The following PTPRT variants were observed in gnomAD, a reference collection of about 807,000 sequenced individuals.
The protein encoded by PTPRT is receptor-type tyrosine-protein phosphatase T.
Under a neutral mutation model 176.8 loss-of-function variants are expected in PTPRT, and 56 were observed. The observed-to-expected ratio is 0.32, with a 90% confidence interval of 0.26 to 0.40. PTPRT has a LOEUF of 0.40. Ranked by LOEUF, PTPRT falls within the 10% of genes least tolerant of loss-of-function variation. The pLI is 1.00. For synonymous variants in PTPRT, 783 were observed against 739.0 expected (o/e 1.06, Z -0.96); for missense variants, 1,540 against 1,908.2 (o/e 0.81, Z 3.60).
chr20:42,345,944 A>G (rs549098321), intron 11 of PTPRT, among the ~76,000 whole-genome samples: 157 of 152,266 alleles, frequency 1.0e-3, no homozygotes, highest in African/African-American at 3.6e-3. Context: ...ATGGAAAACC[A>G]ATGACCCATT....
chr20:42,213,497 T>G (rs1172463732), intron 15 of PTPRT, among the ~76,000 whole-genome samples: 6 of 152,204 alleles, frequency 3.9e-5, no homozygotes, highest in African/African-American at 1.4e-4. Flanking sequence ...ACCCACTCTC[T>G]GGCCGCAAAA....
At chr20:42,794,740 G>A (rs12481078) in intron 2 of PTPRT, among the ~76,000 whole-genome samples, 17,964 of 152,190 alleles carry the variant, frequency 0.12, 1,372 homozygotes, top group Non-Finnish European at 0.17. Context: ...AAAGTTGCAA[G>A]ACAGGCTACC....
intron 7 of PTPRT, among the ~76,000 whole-genome samples, chr20:42,619,214 G>T (rs1349087160): frequency 6.9e-6 from 1 of 144,784 alleles, no homozygotes; most frequent in Non-Finnish European, 1.5e-5. Flanking sequence ...TAGTTTGGCT[G>T]GATATGAAAT....
chr20:42,515,250 C>T (rs981998021), intron 7 of PTPRT, among the ~76,000 whole-genome samples: 7 of 152,210 alleles, frequency 4.6e-5, no homozygotes, highest in East Asian at 1.9e-4. Flanking sequence ...TCTGGGAGGC[C>T]GAGGCAGGCG....
intron 4 of PTPRT, among the ~76,000 whole-genome samples, chr20:42,771,866 A>G (rs2077068300): frequency 6.6e-6 from 1 of 152,218 alleles, no homozygotes; most frequent in South Asian, 2.1e-4. Context: ...GGAGGGAACC[A>G]GGACGTGAAT....
chr20:42,935,296 C>T (rs572588215), intron 1 of PTPRT, among the ~76,000 whole-genome samples: 20 of 151,586 alleles, frequency 1.3e-4, no homozygotes, highest in Admixed American at 3.9e-4. Flanking sequence ...CGCACCAGCA[C>T]ACCCGGCTAA....
chr20:42,432,740 C>T (rs1218096707), intron 9 of PTPRT, among the ~76,000 whole-genome samples: 2 of 152,166 alleles, frequency 1.3e-5, no homozygotes, highest in Non-Finnish European at 2.9e-5. Context: ...CAGAGCCTTA[C>T]TCCTTTAACC....
intron 26 of PTPRT, among the ~76,000 whole-genome samples, chr20:42,100,619 A>T (rs746536831): frequency 6.6e-6 from 1 of 152,186 alleles, no homozygotes; most frequent in South Asian, 2.1e-4. Flanking sequence ...TGGATGAGGA[A>T]GGCAGGGAGG....
intron 9 of PTPRT, among the ~76,000 whole-genome samples, chr20:42,440,020 C>A (rs1212253468): frequency 6.6e-6 from 1 of 152,190 alleles, no homozygotes; most frequent in African/African-American, 2.4e-5. Context: ...GATTCTCCTG[C>A]CTCAGCCTCC....
chr20:42,812,776 C>G (rs762640654), intron 2 of PTPRT, among the ~76,000 whole-genome samples: 2 of 152,018 alleles, frequency 1.3e-5, no homozygotes, highest in Non-Finnish European at 2.9e-5. Flanking sequence ...ATTGTATTAA[C>G]CTCAAATTGT....
intron 16 of PTPRT, among the ~76,000 whole-genome samples, chr20:42,183,307 G>T (rs1055293762): frequency 2.0e-5 from 3 of 152,086 alleles, no homozygotes; most frequent in African/African-American, 7.2e-5. Flanking sequence ...GGTCTTCCTG[G>T]GAACCTAACA....
chr20:42,855,471 A>G (rs999087404), intron 2 of PTPRT, among the ~76,000 whole-genome samples: 32 of 115,930 alleles, frequency 2.8e-4, no homozygotes, highest in Middle Eastern at 5.6e-3. Flanking sequence ...GTCTCACTCC[A>G]CCCAGGCTGG....
Position 43,051,625 on chromosome 20 carries a change from T to TAAAAAAAAAAAAAA in PTPRT, c.88+138007_88+138020dup, listed in dbSNP as rs35885799. Among the ~76,000 whole-genome samples, 26 of 91,946 alleles carry TAAAAAAAAAAAAAA rather than the reference T, an allele frequency of 2.8e-4. 3 individuals are homozygous for TAAAAAAAAAAAAAA. The highest frequency in any genetic ancestry group is 1.3e-3 in the South Asian group (4 of 3,024). 60.3% of individuals were successfully genotyped at this position (91,946 alleles called of 152,430 possible). A position where few individuals can be genotyped will look rare whatever the true frequency, so the allele number is the denominator to read the frequency against. On this transcript the variant is annotated intron_variant, in intron 1 of 30. Transcript: ENST00000373187. The stretch of plus-strand genomic sequence containing the variant: ...TCCTTCCAGCCACACTCTGTAACTG[T>TAAAAAAAAAAAAAA]AAAAAAAAAAAAAAAAAAAAAAAAT...
At chr20:42,540,306 A>G (rs1480031323) in intron 7 of PTPRT, among the ~76,000 whole-genome samples, 1 of 152,118 alleles carries the variant, frequency 6.6e-6, no homozygotes, top group Non-Finnish European at 1.5e-5. Context: ...GTGAGAGTCA[A>G]TGACGGAAGG....
intron 1 of PTPRT, among the ~76,000 whole-genome samples, chr20:43,023,872 T>G (rs1029268976): frequency 6.6e-6 from 1 of 152,158 alleles, no homozygotes; most frequent in African/African-American, 2.4e-5. Context: ...GCCCCCACAC[T>G]GAGGTTCCCC....
intron 2 of PTPRT, among the ~76,000 whole-genome samples, chr20:42,791,815 C>T (rs1032977889): frequency 1.5e-4 from 23 of 152,188 alleles, no homozygotes; most frequent in African/African-American, 3.4e-4. Context: ...CCTTGTAGGA[C>T]GAAGTGAGCC....
rs2071216954 is a variant in PTPRT, at chr20:42,472,527, C to G, written c.1189G>C (p.Asp397His). Residue 397 changes from aspartate (D) to histidine (H), a missense_variant, in exon 8 of 31, where the codon GAC (aspartate) becomes CAC (histidine). Physicochemically the swap from Asp to His is moderately conservative, Grantham distance 81. Transcript: ENST00000373187. ...AGGGTCAGCTGCCGGGCTCTGATGT[C>G]TACGATTTCCACGTTCTGTGGGCCA... is the stretch of plus-strand genomic sequence containing the variant. ...VHGPQNVEIVDIRARQLTLQW... is the reference protein window; with the variant it reads ...VHGPQNVEIVHIRARQLTLQW... The G allele has an allele frequency of 6.2e-7, 1 of 1,614,070 alleles. No homozygotes were observed. Among genetic ancestry groups the G allele is most frequent in the South Asian group, 1.1e-5 (1 of 91,090 alleles).
chr20:42,859,711 G>A (rs2078627732), intron 2 of PTPRT, among the ~76,000 whole-genome samples: 1 of 150,972 alleles, frequency 6.6e-6, no homozygotes, highest in South Asian at 2.1e-4. Flanking sequence ...AGCCTCCCGA[G>A]CAGCTGGGAC....
chr20:42,312,187 C>G (rs2057643881), intron 12 of PTPRT, among the ~76,000 whole-genome samples: 1 of 152,090 alleles, frequency 6.6e-6, no homozygotes, highest in African/African-American at 2.4e-5. Flanking sequence ...TTCTTGATTT[C>G]TTTATTTTGA....
Sources: allele counts gnomAD v4.1 joint callset (sites outside exome capture counted in the v4.1 genomes callset), GRCh38; gene constraint gnomAD v4.1.1; transcripts MANE v1.5; gene names NCBI Gene and HGNC (gene_info 2026-07-23, HGNC 2026-07-21).